UBAC2: variants seen among roughly 807,000 people sequenced by gnomAD.
UBAC2 encodes ubiquitin-associated domain-containing protein 2.
UBAC2 carries 26 observed loss-of-function variants against 44.0 expected under a neutral mutation model. The ratio of observed to expected loss-of-function variants is 0.59; its 90% CI spans 0.43 to 0.82. The LOEUF is 0.82. UBAC2 is among the 40% of genes least tolerant of loss of function. The probability of loss-of-function intolerance (pLI) is 0.00; values close to 1 mark genes in which losing one functional copy is unlikely to be tolerated. For synonymous variants in UBAC2, 155 were observed against 154.3 expected, an observed-to-expected ratio of 1.00 and a Z score of -0.04; for missense variants, 329 against 419.4, an observed-to-expected ratio of 0.78 and a Z score of 1.88.
intron 7 of UBAC2, among the ~76,000 whole-genome samples, chr13:99,362,443 T>G (rs1339541347): frequency 6.6e-6 from 1 of 152,254 alleles, no homozygotes; most frequent in Non-Finnish European, 1.5e-5. Context: ...CATGTTGCTC[T>G]CCAAAAGGGT....
At chr13:99,256,084 G>A (rs1173904062) in intron 4 of UBAC2, among the ~76,000 whole-genome samples, 1 of 152,178 alleles carries the variant, frequency 6.6e-6, no homozygotes, top group East Asian at 1.9e-4. Flanking sequence ...GAGAGAATGG[G>A]AACTTTTCCT....
intron 6 of UBAC2, among the ~76,000 whole-genome samples, chr13:99,322,260 T>C (rs1166056708): frequency 2.6e-5 from 4 of 152,226 alleles, no homozygotes; most frequent in Non-Finnish European, 5.9e-5. Flanking sequence ...TACTTTTCCT[T>C]AAAGCATTGC....
chr13:99,282,185 T>C (rs2043962795), intron 4 of UBAC2, among the ~76,000 whole-genome samples: 1 of 151,710 alleles, frequency 6.6e-6, no homozygotes, highest in South Asian at 2.1e-4. Flanking sequence ...ACCCCAGTCA[T>C]GACAACTAAA....
intron 4 of UBAC2, among the ~76,000 whole-genome samples, chr13:99,256,681 G>T (rs1340652607): frequency 6.8e-6 from 1 of 147,046 alleles, no homozygotes; most frequent in African/African-American, 2.5e-5. Flanking sequence ...AACTTGATGT[G>T]TATGTAGAAA....
At chr13:99,302,801 C>T (rs770690318) in intron 4 of UBAC2, among the ~76,000 whole-genome samples, 8 of 152,174 alleles carry the variant, frequency 5.3e-5, no homozygotes, top group East Asian at 1.9e-4. Context: ...ATTAATAATA[C>T]GCTGCTAACC....
chr13:99,284,727 C>G (rs1423067475), intron 4 of UBAC2, among the ~76,000 whole-genome samples: 1 of 152,210 alleles, frequency 6.6e-6, no homozygotes, highest in Non-Finnish European at 1.5e-5. Flanking sequence ...CATCCCCTTA[C>G]TGTTTAATCC....
At chr13:99,368,724 TGTAC>T (rs1424259879) in intron 8 of UBAC2, among the ~76,000 whole-genome samples, 1 of 149,454 alleles carries the variant, frequency 6.7e-6, no homozygotes, top group African/African-American at 2.5e-5. Flanking sequence ...TGTGTGTGTG[TGTAC>T]ACATACCCTC....
chr13:99,222,784 A>AATT (rs2043065009), intron 1 of UBAC2, among the ~76,000 whole-genome samples: 1 of 152,232 alleles, frequency 6.6e-6, no homozygotes, highest in African/African-American at 2.4e-5. Flanking sequence ...ATCTGTTAAT[A>AATT]CGTTCATAAA....
At chr13:99,201,624 G>C in intron 1 of UBAC2, 1 of 1,594,190 alleles carries the variant, frequency 6.3e-7, no homozygotes, top group African/African-American at 1.3e-5. Flanking sequence ...TGAGTGTGTG[G>C]AATTGACTTT....
chr13:99,244,586 C>T lies in UBAC2; in HGVS notation c.351C>T (p.Phe117=). ...TCCTCATTGAAGCTATGCAGTATTTCTTTGGCATCACTGCAGCTAGTAATT... is the reference window on the plus strand; with the variant it reads ...TCCTCATTGAAGCTATGCAGTATTTTTTTGGCATCACTGCAGCTAGTAATT... ...DFLLIEAMQY[F]FGITAASNLP... is the part of the protein sequence containing the mutation. Residue 117 remains phenylalanine, a synonymous_variant, in exon 4 of 9, where the codon TTC becomes TTT. Transcript: ENST00000403766. The T allele has an allele frequency of 1.2e-6, 2 of 1,613,166 alleles. No homozygotes were observed. The highest frequency in any genetic ancestry group is 1.7e-6 in the Non-Finnish European group (2 of 1,179,432).
chr13:99,242,954 G>A (rs1234585615), intron 2 of UBAC2, among the ~76,000 whole-genome samples: 1 of 150,620 alleles, frequency 6.6e-6, no homozygotes, highest in East Asian at 2.0e-4. Flanking sequence ...AGATGGGATG[G>A]CGGCCGGGAA....
chr13:99,306,510 C>T (rs560949912), intron 4 of UBAC2, among the ~76,000 whole-genome samples: 3 of 152,156 alleles, frequency 2.0e-5, no homozygotes, highest in East Asian at 1.9e-4. Context: ...CAAAATACCA[C>T]GCCCCCCTCC....
chr13:99,217,829 C>T (rs1191931232), intron 1 of UBAC2, among the ~76,000 whole-genome samples: 1 of 152,144 alleles, frequency 6.6e-6, no homozygotes, highest in African/African-American at 2.4e-5. Context: ...GCCTCAGGGC[C>T]GAGTTGTTAG....
At chr13:99,235,889 G>T (rs1455871257) in intron 1 of UBAC2, among the ~76,000 whole-genome samples, 1 of 152,024 alleles carries the variant, frequency 6.6e-6, no homozygotes, top group Non-Finnish European at 1.5e-5. Flanking sequence ...GATCACTTGA[G>T]CCCAGGAGTT....
intron 8 of UBAC2, among the ~76,000 whole-genome samples, chr13:99,378,148 A>G (rs2045505797): frequency 6.6e-6 from 1 of 152,168 alleles, no homozygotes; most frequent in African/African-American, 2.4e-5. Flanking sequence ...CACTGTTGTC[A>G]CAGTCACCTT....
At chr13:99,275,695 C>G (rs61970288) in intron 4 of UBAC2, among the ~76,000 whole-genome samples, 4,631 of 152,180 alleles carry the variant, frequency 0.03, 91 homozygotes, top group Middle Eastern at 0.13. Context: ...CTTCTGAGTT[C>G]CTTTTTACCT....
At chr13:99,364,948 T>C (rs1038610508) in intron 7 of UBAC2, among the ~76,000 whole-genome samples, 2 of 152,230 alleles carry the variant, frequency 1.3e-5, no homozygotes, top group Non-Finnish European at 2.9e-5. Flanking sequence ...TGTGTTTGAA[T>C]TTCTTTTATT....
At chr13:99,269,242 G>A (rs923373684) in intron 4 of UBAC2, among the ~76,000 whole-genome samples, 1 of 152,068 alleles carries the variant, frequency 6.6e-6, no homozygotes, top group Non-Finnish European at 1.5e-5. Flanking sequence ...AGCATTCTGT[G>A]GTTTAAATGA....
chr13:99,240,984 G>A (rs1193417416), intron 2 of UBAC2, among the ~76,000 whole-genome samples: 1 of 152,128 alleles, frequency 6.6e-6, no homozygotes, highest in African/African-American at 2.4e-5. Context: ...AGTTGGCTGG[G>A]TGTGGTGGCT....
Sources: gnomAD v4.1 joint callset for allele counts (sites outside exome capture counted in the v4.1 genomes callset) on GRCh38, gnomAD v4.1.1 for gene constraint, MANE v1.5 for transcripts, NCBI Gene and HGNC (gene_info 2026-07-23, HGNC 2026-07-21) for gene names.